Variants in RBFOX2 observed in about 807,000 individuals in gnomAD.
The protein encoded by RBFOX2 is RNA binding protein fox-1 homolog 2.
RBFOX2 carries 10 observed loss-of-function variants against 49.1 expected under a neutral mutation model. That is an observed-to-expected ratio of 0.20 (90% CI 0.13 to 0.35). The LOEUF (loss-of-function observed/expected upper bound fraction) is 0.35. Among genes scored for constraint, RBFOX2 ranks in the 10% least tolerant of loss-of-function variants. The probability of loss-of-function intolerance (pLI) is 1.00; values close to 1 mark genes in which losing one functional copy is unlikely to be tolerated. For synonymous variants in RBFOX2, 183 were observed against 187.4 expected (o/e 0.98, Z 0.19); for missense variants, 323 against 486.9 (o/e 0.66, Z 3.17).
intron 1 of RBFOX2, chr22:35,897,539 C>A: frequency 1.2e-6 from 1 of 843,542 alleles, no homozygotes. Context: ...GGAGGAAGTA[C>A]CCCTTTGCTG....
chr22:35,949,476 G>C (rs1357278630), intron 1 of RBFOX2, among the ~76,000 whole-genome samples: 2 of 152,204 alleles, frequency 1.3e-5, no homozygotes, highest in African/African-American at 4.8e-5. Flanking sequence ...TTAAGGGACT[G>C]CCATACTGTT....
intron 1 of RBFOX2, among the ~76,000 whole-genome samples, chr22:35,847,620 T>A (rs946064693): frequency 7.2e-5 from 11 of 152,168 alleles, no homozygotes; most frequent in Non-Finnish European, 1.2e-4. Context: ...ATAAATAAGA[T>A]TGTAAAATAG....
chr22:36,021,122 C>T (rs2095500110), intron 1 of RBFOX2, among the ~76,000 whole-genome samples: 1 of 151,848 alleles, frequency 6.6e-6, no homozygotes, highest in African/African-American at 2.4e-5. Context: ...TGGAAACCAT[C>T]ATTCTGAGCA....
At chr22:35,914,787 C>A (rs1002214367) in intron 1 of RBFOX2, among the ~76,000 whole-genome samples, 1 of 152,154 alleles carries the variant, frequency 6.6e-6, no homozygotes, top group Admixed American at 6.5e-5. Context: ...GGGTAAACAA[C>A]AGCAAAAGCA....
intron 1 of RBFOX2, among the ~76,000 whole-genome samples, chr22:35,979,402 C>T (rs921215680): frequency 1.3e-5 from 2 of 152,272 alleles, no homozygotes; most frequent in Non-Finnish European, 2.9e-5. Context: ...TATTGATTTC[C>T]TGATTTGGAG....
At position 35,759,482 on chromosome 22, in the gene RBFOX2, G is replaced by A. The variant is rs143405451; in HGVS notation, c.887+406C>T. ...ATGTGACAGCCTCTGCCCCAACACG[G>A]GGTGGTGATAAGGAGGTGAACACAG... On this transcript the variant is annotated intron_variant, in intron 9 of 11. Coordinates refer to ENST00000405409, the Ensembl canonical transcript of RBFOX2. The surrounding 1 kb of genome is among the most constrained non-coding windows in gnomAD (Gnocchi z 4.6). Among the ~76,000 whole-genome samples the A allele has an allele frequency of 6.6e-6, 1 of 152,162 alleles. No individual in the cohort carries two copies. The highest frequency in any genetic ancestry group is 2.1e-4 in the South Asian group (1 of 4,836).
At chr22:35,831,411 T>C (rs1050914348) in intron 1 of RBFOX2, among the ~76,000 whole-genome samples, 3 of 151,790 alleles carry the variant, frequency 2.0e-5, no homozygotes, top group Non-Finnish European at 4.4e-5. Context: ...CCAGCCTGGG[T>C]GATAGTGAGA....
intron 1 of RBFOX2, among the ~76,000 whole-genome samples, chr22:35,832,631 G>A (rs1423343195): frequency 2.0e-5 from 3 of 151,468 alleles, no homozygotes; most frequent in Non-Finnish European, 4.4e-5. Flanking sequence ...TCAGAATTTC[G>A]AGAGCAGCCT....
intron 1 of RBFOX2, chr22:35,898,387 T>C (rs1323956792): frequency 6.8e-6 from 4 of 586,446 alleles, no homozygotes; most frequent in Non-Finnish European, 1.2e-5. Flanking sequence ...CAACCCGGGA[T>C]TGTGCAGCGG....
intron 1 of RBFOX2, among the ~76,000 whole-genome samples, chr22:36,007,788 A>G (rs971005770): frequency 2.0e-5 from 3 of 152,202 alleles, no homozygotes; most frequent in African/African-American, 7.2e-5. Flanking sequence ...ACTCTTCTGT[A>G]CTTTGATTTT....
intron 1 of RBFOX2, among the ~76,000 whole-genome samples, chr22:35,905,620 C>T (rs779879957): frequency 1.4e-4 from 22 of 152,104 alleles, no homozygotes; most frequent in Admixed American, 2.0e-4. Flanking sequence ...AGAGTTCAGT[C>T]CCTTGAATAT....
intron 1 of RBFOX2, chr22:35,898,144 T>A: frequency 1.3e-6 from 1 of 744,374 alleles, no homozygotes; most frequent in Admixed American, 1.7e-5. Flanking sequence ...GTCACATGTA[T>A]CACACCGATA....
At chr22:36,019,381 A>G (rs1349206940) in intron 1 of RBFOX2, among the ~76,000 whole-genome samples, 1 of 152,244 alleles carries the variant, frequency 6.6e-6, no homozygotes, top group Non-Finnish European at 1.5e-5. Flanking sequence ...CAACTCTGGC[A>G]CTTAATCAAT....
At chr22:35,956,515 G>A (rs1420181173) in intron 1 of RBFOX2, among the ~76,000 whole-genome samples, 2 of 151,868 alleles carry the variant, frequency 1.3e-5, no homozygotes, top group Non-Finnish European at 2.9e-5. Context: ...GCACATGCCA[G>A]CACACCCGGC....
chr22:35,762,751 C>T (rs544724861), intron 6 of RBFOX2, among the ~76,000 whole-genome samples: 3 of 152,000 alleles, frequency 2.0e-5, no homozygotes, highest in East Asian at 1.9e-4. Context: ...GTGATCCACC[C>T]GCCTCAGCCT....
intron 9 of RBFOX2, chr22:35,748,049 G>A (rs2145857823): frequency 6.6e-6 from 1 of 152,126 alleles, no homozygotes; most frequent in Admixed American, 6.5e-5. Flanking sequence ...TTTCTTATGA[G>A]CTTCTAAAGC....
chr22:35,787,637 G>C (rs1219959556), intron 2 of RBFOX2, among the ~76,000 whole-genome samples: 1 of 152,112 alleles, frequency 6.6e-6, no homozygotes, highest in African/African-American at 2.4e-5. Flanking sequence ...ATAAATCAGA[G>C]AGAAAAAGGG....
intron 1 of RBFOX2, among the ~76,000 whole-genome samples, chr22:35,946,037 T>C (rs186554135): frequency 1.4e-4 from 22 of 152,264 alleles, no homozygotes; most frequent in Admixed American, 1.2e-3. Flanking sequence ...ATAAGCAGTA[T>C]GTTTCATGGT....
At chr22:35,966,246 G>A (rs2056552394), upstream of RBFOX2, among the ~76,000 whole-genome samples, 2 of 152,110 alleles carry the variant, frequency 1.3e-5, no homozygotes, top group South Asian at 4.1e-4. Context: ...AAATATTTCA[G>A]TAATGTTGAA....
Sources: allele counts gnomAD v4.1 joint callset (sites outside exome capture counted in the v4.1 genomes callset), GRCh38; gene constraint gnomAD v4.1.1; non-coding constraint Gnocchi (gnomAD v3.1); transcripts MANE v1.5; gene names NCBI Gene and HGNC (gene_info 2026-07-23, HGNC 2026-07-21).